Variants in LYRM7 observed in about 807,000 individuals in gnomAD.
LYRM7 encodes complex III assembly factor LYRM7.
LYRM7 carries 9 observed loss-of-function variants against 15.8 expected under a neutral mutation model. The observed-to-expected ratio is 0.57, with a 90% confidence interval of 0.34 to 0.99. LYRM7 has a LOEUF of 0.99. Ranked by LOEUF, LYRM7 falls within the 50% of genes least tolerant of loss-of-function variation. LYRM7 has a pLI of 0.02. For synonymous variants in LYRM7, 39 were observed against 39.4 expected (o/e 0.99, Z 0.04); for missense variants, 115 against 119.1 (o/e 0.97, Z 0.16).
At chr5:131,190,844 T>A (rs1460757449) in intron 4 of LYRM7, among the ~76,000 whole-genome samples, 1 of 152,136 alleles carries the variant, frequency 6.6e-6, no homozygotes, top group African/African-American at 2.4e-5. Context: ...AAACTTAAGA[T>A]GTGTAGTCAT....
At chr5:131,190,407 G>T (rs1015464449) in intron 4 of LYRM7, among the ~76,000 whole-genome samples, 4 of 151,608 alleles carry the variant, frequency 2.6e-5, no homozygotes, top group Non-Finnish European at 5.9e-5. Flanking sequence ...TGTTGGTCAG[G>T]CTGGTTTCAA....
At chr5:131,186,406 T>A (rs1755795419) in intron 3 of LYRM7, among the ~76,000 whole-genome samples, 1 of 152,166 alleles carries the variant, frequency 6.6e-6, no homozygotes, top group African/African-American at 2.4e-5. Flanking sequence ...TATATGCATA[T>A]CTGAGCTTTC....
intron 4 of LYRM7, among the ~76,000 whole-genome samples, chr5:131,199,083 A>T (rs542528474): frequency 6.6e-6 from 1 of 152,194 alleles, no homozygotes; most frequent in African/African-American, 2.4e-5. Flanking sequence ...AGCATTCTCC[A>T]GTTGATATGA....
intron 4 of LYRM7, among the ~76,000 whole-genome samples, chr5:131,189,894 A>G (rs2149664103): frequency 6.6e-6 from 1 of 152,228 alleles, no homozygotes; most frequent in South Asian, 2.1e-4. Context: ...GCACTTTGGG[A>G]GGCTGAGGTG....
chr5:131,173,784 T>C (rs971631009), intron 1 of LYRM7, among the ~76,000 whole-genome samples: 14 of 152,178 alleles, frequency 9.2e-5, no homozygotes, highest in African/African-American at 3.1e-4. Flanking sequence ...ATACCTTAAA[T>C]AAAAAAATAC....
At chr5:131,197,675 A>G (rs1020531539) in intron 4 of LYRM7, among the ~76,000 whole-genome samples, 1 of 150,008 alleles carries the variant, frequency 6.7e-6, no homozygotes, top group Non-Finnish European at 1.5e-5. Context: ...TTGAGTAGCT[A>G]GGAATACAGG....
chr5:131,178,884 C>T (rs901558596), intron 1 of LYRM7, among the ~76,000 whole-genome samples: 2 of 146,556 alleles, frequency 1.4e-5, no homozygotes, highest in Non-Finnish European at 3.0e-5. Context: ...ATCGCTTGAA[C>T]TCGGGAGGTG....
intron 1 of LYRM7, among the ~76,000 whole-genome samples, chr5:131,178,877 G>A (rs151086862): frequency 6.6e-4 from 97 of 147,914 alleles, no homozygotes; most frequent in African/African-American, 2.3e-3. Flanking sequence ...CAGGAGAATC[G>A]CTTGAACTCG....
chr5:131,184,650 G>GT (rs1755767807), intron 3 of LYRM7, among the ~76,000 whole-genome samples: 1 of 150,254 alleles, frequency 6.7e-6, no homozygotes, highest in Admixed American at 6.6e-5. Context: ...CGGGGGGGGG[G>GT]TTCCAGGATT....
chr5:131,174,178 G>A (rs1389438951), intron 1 of LYRM7, among the ~76,000 whole-genome samples: 1 of 152,210 alleles, frequency 6.6e-6, no homozygotes, highest in Non-Finnish European at 1.5e-5. Context: ...GAAGTGATGT[G>A]AGTGATGATC....
chr5:131,196,097 C>A (rs1354779907), intron 4 of LYRM7, among the ~76,000 whole-genome samples: 1 of 150,114 alleles, frequency 6.7e-6, no homozygotes, highest in Non-Finnish European at 1.5e-5. Flanking sequence ...ATCTATTCTC[C>A]TGTTCTTTTT....
chr5:131,184,615 G>C (rs1384056831), intron 3 of LYRM7, among the ~76,000 whole-genome samples: 1 of 145,546 alleles, frequency 6.9e-6, no homozygotes, highest in Non-Finnish European at 1.5e-5. Flanking sequence ...TCTGTTATCT[G>C]TCAGACAAAT....
At chr5:131,197,720 T>A (rs929984375) in intron 4 of LYRM7, among the ~76,000 whole-genome samples, 2 of 151,638 alleles carry the variant, frequency 1.3e-5, no homozygotes, top group African/African-American at 4.9e-5. Flanking sequence ...TTTTAAACAA[T>A]TTTTTGTAGA....
At chr5:131,181,389 C>T (rs1426448478) in intron 2 of LYRM7, among the ~76,000 whole-genome samples, 986 of 71,432 alleles carry the variant, frequency 0.014, 37 homozygotes, top group African/African-American at 0.082. Context: ...ATAATATATA[C>T]ATATATATTA....
At position 131,192,185 on chromosome 5, in the gene LYRM7, C is replaced by T. The variant is rs7720557; in HGVS notation, c.244+5076C>T. 6.1e-3 allele frequency among the ~76,000 whole-genome samples: 922 copies of T among 151,816 alleles called. 10 individuals are homozygous for T. The highest frequency in any genetic ancestry group is 0.022 in the African/African-American group (893 of 41,402). Reference sequence around the variant, plus strand: ...TAAGTGAAATAAGCCAGGCACAGAACGACAAATATTGCATGTTCTCACTCA... The same window carrying T: ...TAAGTGAAATAAGCCAGGCACAGAATGACAAATATTGCATGTTCTCACTCA... On this transcript the variant is annotated intron_variant, in intron 4 of 4. Coordinates refer to ENST00000379380, the MANE Select transcript of LYRM7 (RefSeq NM_181705.4).
intron 4 of LYRM7, among the ~76,000 whole-genome samples, chr5:131,194,789 G>T (rs913057456): frequency 6.6e-6 from 1 of 152,038 alleles, no homozygotes; most frequent in Non-Finnish European, 1.5e-5. Context: ...CTATTTCTGT[G>T]GTATGGCTTT....
At chr5:131,197,846 C>CTGTGTGTGTGTGTGTGTGTGTGTG (rs56146861) in intron 4 of LYRM7, among the ~76,000 whole-genome samples, 1 of 143,290 alleles carries the variant, frequency 7.0e-6, no homozygotes, top group African/African-American at 2.6e-5. Context: ...CATCTGGCCA[C>CTGTGTGTGTGTGTGTGTGTGTGTG]TGTGTGTGTG....
At chr5:131,195,247 CGACA>C (rs770180399) in intron 4 of LYRM7, among the ~76,000 whole-genome samples, 3 of 151,792 alleles carry the variant, frequency 2.0e-5, no homozygotes, top group Non-Finnish European at 4.4e-5. Context: ...CCAGCCTGGG[CGACA>C]GACAGAGCAA....
chr5:131,181,390 A>G (rs1309450333), intron 2 of LYRM7, among the ~76,000 whole-genome samples: 3 of 95,078 alleles, frequency 3.2e-5, no homozygotes, highest in East Asian at 2.3e-4. Context: ...TAATATATAC[A>G]TATATATTAT....
Sources: allele counts gnomAD v4.1 joint callset (sites outside exome capture counted in the v4.1 genomes callset), GRCh38; gene constraint gnomAD v4.1.1; transcripts MANE v1.5; gene names NCBI Gene and HGNC (gene_info 2026-07-23, HGNC 2026-07-21).